Variants in VMA21 observed in about 807,000 individuals in gnomAD.
VMA21 encodes the protein vacuolar ATPase assembly factor VMA21.
For missense variants in VMA21, 61 were observed against 80.6 expected (o/e 0.76, Z 0.93); for synonymous variants, 47 against 34.1 (o/e 1.38, Z -1.32).
At chrX:151,402,819 G>A (rs1173843797) in intron 1 of VMA21, among the ~76,000 whole-genome samples, 1 of 111,327 alleles carries the variant, frequency 9.0e-6, no homozygotes, top group Non-Finnish European at 1.9e-5. Context: ...TCCCAGTGGG[G>A]GAGGGCACGC....
upstream of VMA21, chrX:151,396,918 CGGCGTA>C (rs1247710574): frequency 7.7e-6 from 4 of 520,873 alleles, no homozygotes; most frequent in Non-Finnish European, 1.4e-5. Flanking sequence ...GTTCAGGGGG[CGGCGTA>C]GCCGCCGCCC....
upstream of VMA21, chrX:151,397,178 C>T: frequency 5.4e-6 from 4 of 736,467 alleles, no homozygotes; most frequent in Non-Finnish European, 7.4e-6. Context: ...ACTTCCGGCG[C>T]GAACGGGCAC....
chrX:151,401,512 G>C (rs1355989813), intron 1 of VMA21, among the ~76,000 whole-genome samples: 1 of 111,869 alleles, frequency 8.9e-6, no homozygotes, highest in Admixed American at 9.5e-5. Context: ...GGTTCTGTAT[G>C]ATGAATTTTA....
rs2011290132 is a variant in VMA21, at chrX:151,406,196, A to G, written c.*1138A>G. 9.0e-6 allele frequency: 1 copy of G among 111,728 alleles called. No individual in the cohort carries two copies. Among genetic ancestry groups the G allele is most frequent in the Non-Finnish European group, 1.9e-5 (1 of 53,219 alleles). 9.2% of individuals were successfully genotyped at this position (111,728 alleles called of 1,213,427 possible). A position where few individuals can be genotyped will look rare whatever the true frequency, so the allele number is the denominator to read the frequency against. ...AATTCCCCATAATGTTGCCATCTAA[A>G]AATAACCTCTATTTTAGTTGATATC... On this transcript the variant is annotated 3_prime_UTR_variant, in exon 3 of 3. Transcript: ENST00000330374.
In VMA21 at chrX:151,407,448, T is replaced by G. The variant is rs1301047073; in HGVS notation, c.*2390T>G. 8.8e-6 allele frequency: 1 copy of G among 113,002 alleles called. No individual in the cohort carries two copies. The highest frequency in any genetic ancestry group is 1.9e-5 in the Non-Finnish European group (1 of 53,347). 9.3% of individuals were successfully genotyped at this position (113,002 alleles called of 1,213,427 possible). On this transcript the variant is annotated 3_prime_UTR_variant, in exon 3 of 3. Transcript: ENST00000330374. ...TTATTTTTCAAAATGTCTCACTAGT[T>G]TCCTTTTACACAATGTATATACTTC...
intron 1 of VMA21, among the ~76,000 whole-genome samples, chrX:151,397,729 G>A (rs2011205465): frequency 8.9e-6 from 1 of 112,249 alleles, no homozygotes; most frequent in Admixed American, 9.4e-5. Context: ...CTGCATAGTC[G>A]GGGCTTAATA....
rs1429683757 is a variant in VMA21, at chrX:151,409,222, T to G, written c.*4164T>G. 1 of 112,112 alleles carries G rather than the reference T, an allele frequency of 8.9e-6. No individual in the cohort carries two copies. Among genetic ancestry groups the G allele is most frequent in the Non-Finnish European group, 1.9e-5 (1 of 53,227 alleles). 9.2% of individuals were successfully genotyped at this position (112,112 alleles called of 1,213,427 possible). A position where few individuals can be genotyped will look rare whatever the true frequency, so the allele number is the denominator to read the frequency against. On this transcript the variant is annotated 3_prime_UTR_variant, in exon 3 of 3. Transcript: ENST00000330374. The stretch of plus-strand genomic sequence containing the variant: ...CATCAAAATGGGGGGCTTGAGTTCT[T>G]TAGCTACTTGAATCCGATTTACTTC...
intron 1 of VMA21, among the ~76,000 whole-genome samples, chrX:151,398,778 GC>G (rs781431383): frequency 3.6e-5 from 4 of 112,202 alleles, no homozygotes; most frequent in Non-Finnish European, 7.5e-5. Context: ...GGCTCTGTCT[GC>G]TCAATGTTGG....
intron 1 of VMA21, among the ~76,000 whole-genome samples, chrX:151,398,564 T>C (rs1018445337): frequency 8.9e-6 from 1 of 111,774 alleles, no homozygotes; most frequent in African/African-American, 3.3e-5. Flanking sequence ...ATGGTGTATA[T>C]GTACCGCATT....
At chrX:151,404,287 C>A (rs1363607898) in intron 2 of VMA21, among the ~76,000 whole-genome samples, 1 of 112,116 alleles carries the variant, frequency 8.9e-6, no homozygotes. Flanking sequence ...GTTGGCCAGG[C>A]TGGTCTCGAA....
At chrX:151,397,082 C>A (rs1426431309), upstream of VMA21, 4 of 448,966 alleles carry the variant, frequency 8.9e-6, no homozygotes, top group Admixed American at 3.5e-5. Context: ...CGCCCGCCCC[C>A]GCGCCGGCAA....
rs1423882662 is a variant in VMA21 at position 151,406,403 on chromosome X, GTTTTGC to G, written c.*1347_*1352del. 1 of 110,593 alleles carries G rather than the reference GTTTTGC, an allele frequency of 9.0e-6. No individual in the cohort carries two copies. The highest frequency in any genetic ancestry group is 1.9e-5 in the Non-Finnish European group (1 of 52,913). The allele number at this position is 110,593 out of a possible 1,213,427, so 9.1% of individuals were successfully genotyped here. ...TATTTATTTATTTTTTTGAGACAGA[GTTTTGC>G]TCTGTTGCCCAGGCTGGAGTGCAGT... On this transcript the variant is annotated 3_prime_UTR_variant, in exon 3 of 3. Coordinates refer to ENST00000330374, the MANE Select transcript of VMA21 (RefSeq NM_001017980.4).
In VMA21 at chrX:151,407,188, G is replaced by A. The variant is rs1163876285; in HGVS notation, c.*2130G>A. On this transcript the variant is annotated 3_prime_UTR_variant, in exon 3 of 3. Transcript: ENST00000330374. ...TTGCTGAATAGGTGATGATACATGG[G>A]TATTTTTCTGCAAGTATTTAAACCA... 1 of 112,796 alleles carries A rather than the reference G, an allele frequency of 8.9e-6. No individual in the cohort carries two copies. The highest frequency in any genetic ancestry group is 1.9e-5 in the Non-Finnish European group (1 of 53,328). The allele number at this position is 112,796 out of a possible 1,213,427, so 9.3% of individuals were successfully genotyped here.
At chrX:151,400,728 A>G (rs2011230927) in intron 1 of VMA21, among the ~76,000 whole-genome samples, 1 of 112,289 alleles carries the variant, frequency 8.9e-6, no homozygotes, top group African/African-American at 3.2e-5. Flanking sequence ...CCTTTTTGAT[A>G]ATAGCTGTCC....
intron 1 of VMA21, among the ~76,000 whole-genome samples, chrX:151,402,864 C>G (rs2011248344): frequency 9.2e-6 from 1 of 108,970 alleles, no homozygotes; most frequent in African/African-American, 3.4e-5. Flanking sequence ...GTTTGCTGGT[C>G]CACTGTCTGG....
chrX:151,403,868 T>C (rs934427305), intron 2 of VMA21, 128 bp downstream of exon 2: 2 of 486,354 alleles, frequency 4.1e-6, no homozygotes, highest in Non-Finnish European at 7.1e-6. Flanking sequence ...AAAATCATAT[T>C]GCTCATAATG....
In VMA21 at chrX:151,402,002, A is replaced by G. The variant is rs191707987; in HGVS notation, c.54-1629A>G. Among the ~76,000 whole-genome samples the G allele has an allele frequency of 6.1e-3, 675 of 110,181 alleles. 5 individuals are homozygous for G. Among genetic ancestry groups the G allele is most frequent in the African/African-American group, 0.021 (638 of 30,178 alleles). Reference sequence around the variant, plus strand: ...CCGGCCTCAAGCCTCAGCCTTCCCAAAGTGCTGGGATTACAGGCATGAGCC... The same window carrying G: ...CCGGCCTCAAGCCTCAGCCTTCCCAGAGTGCTGGGATTACAGGCATGAGCC... On this transcript the variant is annotated intron_variant, in intron 1 of 2. Coordinates refer to ENST00000330374, the MANE Select transcript of VMA21 (RefSeq NM_001017980.4).
chrX:151,403,824 G>A (rs1179566296), intron 2 of VMA21, 84 bp downstream of exon 2: 4 of 676,203 alleles, frequency 5.9e-6, no homozygotes, highest in Admixed American at 2.6e-5. Context: ...CTTTAAACTG[G>A]GTATTCTTAT....
intron 1 of VMA21, among the ~76,000 whole-genome samples, chrX:151,403,094 C>T (rs1348787026): frequency 9.0e-6 from 1 of 111,022 alleles, no homozygotes; most frequent in Non-Finnish European, 1.9e-5. Flanking sequence ...GTGTCTGCCT[C>T]GTTAGTTCCC....
Sources: gnomAD v4.1 joint callset for allele counts (sites outside exome capture counted in the v4.1 genomes callset) on GRCh38, gnomAD v4.1.1 for gene constraint, MANE v1.5 for transcripts, NCBI Gene and HGNC (gene_info 2026-07-23, HGNC 2026-07-21) for gene names.